Variants in AGFG1 observed in about 807,000 individuals in gnomAD.
AGFG1 encodes arf-GAP domain and FG repeat-containing protein 1.
Under a neutral mutation model 60.6 loss-of-function variants are expected in AGFG1, and 10 were observed. The observed-to-expected ratio is 0.16, with a 90% CI of 0.10 to 0.28. The LOEUF (loss-of-function observed/expected upper bound fraction) is 0.28. AGFG1 is among the 10% of genes least tolerant of loss of function. The pLI, the probability that AGFG1 is intolerant of heterozygous loss-of-function variation, is 1.00. For synonymous variants in AGFG1, 247 were observed against 242.9 expected (o/e 1.02, Z -0.16); for missense variants, 537 against 676.5 (o/e 0.79, Z 2.29).
intron 2 of AGFG1, among the ~76,000 whole-genome samples, chr2:227,496,278 CT>C (rs1690973090): frequency 6.6e-6 from 1 of 152,160 alleles, no homozygotes; most frequent in South Asian, 2.1e-4. Flanking sequence ...ATAACGTACA[CT>C]TTTCCCTTGT....
chr2:227,536,763 G>C, intron 9 of AGFG1, 59 bp downstream of exon 9: 1 of 1,585,396 alleles, frequency 6.3e-7, no homozygotes, highest in Non-Finnish European at 8.6e-7. Flanking sequence ...ATATTGTGTA[G>C]CATTTTCTTA....
At chr2:227,496,841 G>C (rs1341382070) in intron 2 of AGFG1, among the ~76,000 whole-genome samples, 2 of 152,040 alleles carry the variant, frequency 1.3e-5, no homozygotes, top group African/African-American at 4.8e-5. Context: ...GTTTCTGTAG[G>C]GGGATTTTTC....
chr2:227,547,560 T>C (rs908063788), intron 10 of AGFG1, among the ~76,000 whole-genome samples: 20 of 152,210 alleles, frequency 1.3e-4, no homozygotes, highest in African/African-American at 4.6e-4. Flanking sequence ...AAGGGACTTG[T>C]ATTCAGAATG....
At chr2:227,516,759 A>G (rs1009384874) in intron 2 of AGFG1, among the ~76,000 whole-genome samples, 4 of 152,102 alleles carry the variant, frequency 2.6e-5, no homozygotes, top group African/African-American at 9.7e-5. Context: ...TATGCTTATT[A>G]TTTATTCATT....
At chr2:227,553,473 G>GT (rs1692882563) in intron 11 of AGFG1, among the ~76,000 whole-genome samples, 1 of 140,250 alleles carries the variant, frequency 7.1e-6, no homozygotes, top group Non-Finnish European at 1.5e-5. Flanking sequence ...TCTGGCCTGG[G>GT]TAATAGAGTG....
chr2:227,473,907 C>T (rs1417076876), intron 1 of AGFG1, among the ~76,000 whole-genome samples: 1 of 152,120 alleles, frequency 6.6e-6, no homozygotes, highest in Admixed American at 6.5e-5. Context: ...TGGGGTGTGC[C>T]AGTAAATATA....
At chr2:227,521,485 GA>G (rs558080575) in intron 3 of AGFG1, among the ~76,000 whole-genome samples, 89 of 152,312 alleles carry the variant, frequency 5.8e-4, no homozygotes, top group African/African-American at 1.9e-3. Flanking sequence ...CAGGAAAGAA[GA>G]AAATACTAGA....
intron 1 of AGFG1, 23 bp downstream of exon 1, chr2:227,472,611 G>A (rs752560235): frequency 1.3e-6 from 2 of 1,558,810 alleles, no homozygotes; most frequent in African/African-American, 2.8e-5. Flanking sequence ...CGGCCGGGCG[G>A]GTGTCGGGCC....
chr2:227,477,072 T>C (rs1690305831), intron 1 of AGFG1, among the ~76,000 whole-genome samples: 1 of 152,098 alleles, frequency 6.6e-6, no homozygotes, highest in South Asian at 2.1e-4. Context: ...CGGCTAGTTT[T>C]TGTATTTATA....
Position 227,476,625 on chromosome 2 carries a change from A to G in AGFG1, c.167+4037A>G, listed in dbSNP as rs577238469. Among the ~76,000 whole-genome samples, 11 of 152,244 alleles carry G rather than the reference A, an allele frequency of 7.2e-5. 1 individual carries two copies. In the South Asian group the frequency reaches 2.3e-3, roughly 32 times the overall value. On this transcript the variant is annotated intron_variant, in intron 1 of 12. Transcript: ENST00000310078. ...TATTCTGTTGATTCTGTGTACATTGACTCTTGAGATGAATGTTACAAGAAT... is the reference window on the plus strand; with the variant it reads ...TATTCTGTTGATTCTGTGTACATTGGCTCTTGAGATGAATGTTACAAGAAT...
At position 227,533,481 on chromosome 2, in the gene AGFG1, C is replaced by T. The variant is rs371821700; in HGVS notation, c.815-68C>T. 6 of 1,310,730 alleles carry T rather than the reference C, an allele frequency of 4.6e-6. No individual in the cohort carries two copies. The East Asian group carries it at 1.2e-4, about 25-fold the overall frequency. 81.2% of individuals were successfully genotyped at this position (1,310,730 alleles called of 1,614,324 possible). The stretch of plus-strand genomic sequence containing the variant: ...GACATTTAATTTAGGAAGAAATGAT[C>T]ATACAGTCTATGAGAGGGTACTAGG... On this transcript the variant is annotated intron_variant, in intron 6 of 12. Transcript: ENST00000310078.
intron 5 of AGFG1, among the ~76,000 whole-genome samples, chr2:227,526,659 CA>C (rs1401000150): frequency 6.6e-6 from 1 of 150,838 alleles, no homozygotes; most frequent in African/African-American, 2.4e-5. Context: ...TCTCCTGCCT[CA>C]GCCTCCTGAG....
intron 2 of AGFG1, among the ~76,000 whole-genome samples, chr2:227,496,000 C>T (rs1272452287): frequency 1.3e-5 from 2 of 150,830 alleles, no homozygotes; most frequent in African/African-American, 4.9e-5. Context: ...TGCCTGTAAT[C>T]CCAGGTACTT....
At chr2:227,499,028 CAA>C (rs1006723445) in intron 2 of AGFG1, among the ~76,000 whole-genome samples, 13 of 131,194 alleles carry the variant, frequency 9.9e-5, no homozygotes, top group African/African-American at 3.0e-4. Flanking sequence ...GATAATGTAA[CAA>C]ACTTCCATCA....
chr2:227,493,440 GTA>G (rs1315831886), intron 2 of AGFG1, among the ~76,000 whole-genome samples: 2 of 152,124 alleles, frequency 1.3e-5, no homozygotes, highest in East Asian at 3.8e-4. Context: ...CATATTTAGT[GTA>G]ATGTCCTCAA....
chr2:227,490,124 C>A (rs754886438), intron 1 of AGFG1, among the ~76,000 whole-genome samples: 21 of 150,854 alleles, frequency 1.4e-4, no homozygotes, highest in Non-Finnish European at 2.8e-4. Context: ...CCCAAAAATA[C>A]CGTGAATTTC....
At chr2:227,539,481 T>C (rs1266767306) in intron 10 of AGFG1, among the ~76,000 whole-genome samples, 1 of 149,880 alleles carries the variant, frequency 6.7e-6, no homozygotes, top group South Asian at 2.1e-4. Flanking sequence ...TGTGAAATTA[T>C]ATTTTGAGGT....
intron 1 of AGFG1, among the ~76,000 whole-genome samples, chr2:227,488,831 T>C (rs148375502): frequency 6.6e-6 from 1 of 152,308 alleles, no homozygotes; most frequent in Non-Finnish European, 1.5e-5. Flanking sequence ...TTTATTTATT[T>C]ATTTGAGAGT....
chr2:227,474,036 CTT>C (rs1234677666), intron 1 of AGFG1, among the ~76,000 whole-genome samples: 4 of 152,264 alleles, frequency 2.6e-5, no homozygotes, highest in Non-Finnish European at 5.9e-5. Context: ...CTCATGGTTA[CTT>C]TTAGGCTGTG....
Sources: gnomAD v4.1 joint callset for allele counts (sites outside exome capture counted in the v4.1 genomes callset) on GRCh38, gnomAD v4.1.1 for gene constraint, MANE v1.5 for transcripts, NCBI Gene and HGNC (gene_info 2026-07-23, HGNC 2026-07-21) for gene names.